Variants in KCNQ3 observed in about 807,000 individuals in gnomAD.
KCNQ3 encodes potassium voltage-gated channel subfamily Q member 3.
In KCNQ3, 30 loss-of-function variants were observed where a neutral mutation model predicts 92.5. The observed-to-expected ratio is 0.32, with a 90% CI of 0.24 to 0.44. The LOEUF (loss-of-function observed/expected upper bound fraction) is 0.44, where lower values mean the gene tolerates loss of function less well. Ranked by LOEUF, KCNQ3 falls within the 20% of genes least tolerant of loss-of-function variation. The pLI, the probability that KCNQ3 is intolerant of heterozygous loss-of-function variation, is 1.00. For synonymous variants in KCNQ3, 450 were observed against 468.8 expected, an observed-to-expected ratio of 0.96 and a Z score of 0.52; for missense variants, 913 against 1,140.3, an observed-to-expected ratio of 0.80 and a Z score of 2.87.
intron 4 of KCNQ3, among the ~76,000 whole-genome samples, 184 bp downstream of exon 4, chr8:132,179,973 C>T (rs1826700084): frequency 6.6e-6 from 1 of 152,204 alleles, no homozygotes; most frequent in Admixed American, 6.5e-5. Context: ...TGAACCACAC[C>T]TGCTCCTGCC....
At chr8:132,344,396 T>C (rs1467940674) in intron 1 of KCNQ3, among the ~76,000 whole-genome samples, 5 of 152,218 alleles carry the variant, frequency 3.3e-5, no homozygotes, top group Non-Finnish European at 5.9e-5. Flanking sequence ...ACTGCACACC[T>C]TCCTTCCCCT....
intron 3 of KCNQ3, among the ~76,000 whole-genome samples, chr8:132,180,714 A>G (rs951044461): frequency 6.6e-6 from 1 of 152,116 alleles, no homozygotes; most frequent in African/African-American, 2.4e-5. Context: ...TGACACTCAG[A>G]CACTGTTTCC....
chr8:132,380,931 G>GAAAAAAAAAAAAAAAAAAAAAA (rs553931640), intron 1 of KCNQ3, among the ~76,000 whole-genome samples: 1 of 87,468 alleles, frequency 1.1e-5, no homozygotes, highest in Admixed American at 1.2e-4. Context: ...AATGAAAGCA[G>GAAAAAAAAAAAAAAAAAAAAAA]AAAAAAAAAA....
At chr8:132,424,591 T>C (rs1307049890) in intron 1 of KCNQ3, among the ~76,000 whole-genome samples, 1 of 152,224 alleles carries the variant, frequency 6.6e-6, no homozygotes, top group Non-Finnish European at 1.5e-5. Flanking sequence ...GTGGTATTCA[T>C]TTCCTGGGGT....
intron 1 of KCNQ3, chr8:132,447,252 T>G: frequency 3.3e-6 from 5 of 1,535,536 alleles, no homozygotes; most frequent in Non-Finnish European, 3.5e-6. Flanking sequence ...AGAACAAGAT[T>G]TTTAACAAGT....
intron 1 of KCNQ3, among the ~76,000 whole-genome samples, chr8:132,315,568 GT>G (rs1419329037): frequency 1.3e-5 from 2 of 151,976 alleles, no homozygotes; most frequent in Middle Eastern, 3.4e-3. Context: ...AAGTTTAAGT[GT>G]TTTTTTTCCA....
At chr8:132,160,961 G>A (rs1330073549) in intron 9 of KCNQ3, among the ~76,000 whole-genome samples, 1 of 152,128 alleles carries the variant, frequency 6.6e-6, no homozygotes, top group Non-Finnish European at 1.5e-5. Context: ...AGGGATGGGA[G>A]GGTGTCAGCT....
rs370975883 is a variant in KCNQ3 at position 132,252,994 on chromosome 8, A to G, written c.387-66813T>C. ...AAGAGGTCAGCCAATCCATTTCACC[A>G]CACTCATCAGTAGAACATTTCCACC... is the stretch of plus-strand genomic sequence containing the variant. On this transcript the variant is annotated intron_variant, in intron 1 of 14. Transcript: ENST00000388996. Among the ~76,000 whole-genome samples, 746 of 152,234 alleles carry G rather than the reference A, an allele frequency of 4.9e-3. 7 individuals carry two copies. Among genetic ancestry groups the G allele is most frequent in the African/African-American group, 0.017 (722 of 41,542 alleles).
chr8:132,429,001 G>A (rs1001225605), intron 1 of KCNQ3, among the ~76,000 whole-genome samples: 18 of 152,302 alleles, frequency 1.2e-4, no homozygotes, highest in African/African-American at 3.8e-4. Context: ...CCCGAAGGAC[G>A]GGATAGCCAT....
intron 9 of KCNQ3, among the ~76,000 whole-genome samples, chr8:132,157,008 C>G (rs1448620661): frequency 6.6e-6 from 1 of 152,198 alleles, no homozygotes; most frequent in Non-Finnish European, 1.5e-5. Flanking sequence ...AGAAAGGACT[C>G]TGGTCTAGAG....
At chr8:132,409,606 A>T (rs1247559921) in intron 1 of KCNQ3, among the ~76,000 whole-genome samples, 2 of 152,212 alleles carry the variant, frequency 1.3e-5, no homozygotes, top group Non-Finnish European at 2.9e-5. Flanking sequence ...GACATCCCTC[A>T]TCATCTACCT....
intron 1 of KCNQ3, among the ~76,000 whole-genome samples, chr8:132,274,271 G>T (rs1419993496): frequency 6.6e-6 from 1 of 152,102 alleles, no homozygotes; most frequent in African/African-American, 2.4e-5. Context: ...GATGGCAGCA[G>T]GCAAAAAGAG....
intron 1 of KCNQ3, among the ~76,000 whole-genome samples, chr8:132,302,550 C>T (rs1817252926): frequency 6.6e-6 from 1 of 152,214 alleles, no homozygotes; most frequent in African/African-American, 2.4e-5. Context: ...GCAACACAGG[C>T]CTGCTGAGGG....
At chr8:132,347,073 A>G (rs928853009) in intron 1 of KCNQ3, among the ~76,000 whole-genome samples, 1 of 152,154 alleles carries the variant, frequency 6.6e-6, no homozygotes, top group Non-Finnish European at 1.5e-5. Context: ...CGCAGGTAGG[A>G]TACCTGCCTG....
intron 1 of KCNQ3, among the ~76,000 whole-genome samples, chr8:132,267,201 A>G (rs551994225): frequency 1.3e-5 from 2 of 152,298 alleles, no homozygotes; most frequent in Non-Finnish European, 2.9e-5. Context: ...GCTATAATCC[A>G]TTACTAGAAA....
chr8:132,438,149 A>G (rs1434671784), intron 1 of KCNQ3, among the ~76,000 whole-genome samples: 1 of 152,258 alleles, frequency 6.6e-6, no homozygotes, highest in East Asian at 1.9e-4. Flanking sequence ...AAATACATTT[A>G]GGAAAAACTG....
chr8:132,227,263 T>C (rs143943979), intron 1 of KCNQ3, among the ~76,000 whole-genome samples: 1,936 of 152,120 alleles, frequency 0.013, 18 homozygotes, highest in South Asian at 0.048. Context: ...GGTTTCACCA[T>C]GTTGGCCAGG....
chr8:132,365,529 C>T (rs1222684702), intron 1 of KCNQ3, among the ~76,000 whole-genome samples: 1 of 152,178 alleles, frequency 6.6e-6, no homozygotes, highest in African/African-American at 2.4e-5. Flanking sequence ...TTCAGGCCGG[C>T]TCTGACATTT....
At chr8:132,170,228 G>T in intron 8 of KCNQ3, 106 bp downstream of exon 8, 1 of 819,188 alleles carries the variant, frequency 1.2e-6, no homozygotes, top group Admixed American at 1.9e-5. Flanking sequence ...GGGGAACATT[G>T]CCCTGAAGAG....
Sources: gnomAD v4.1 joint callset for allele counts (sites outside exome capture counted in the v4.1 genomes callset) on GRCh38, gnomAD v4.1.1 for gene constraint, MANE v1.5 for transcripts, NCBI Gene and HGNC (gene_info 2026-07-23, HGNC 2026-07-21) for gene names.